EYS: variants seen among roughly 807,000 people sequenced by gnomAD.
EYS encodes the protein EGF-like photoreceptor maintenance factor.
In EYS, 250 loss-of-function variants were observed where a neutral mutation model predicts 282.1. The ratio of observed to expected loss-of-function variants is 0.89; its 90% CI spans 0.80 to 0.98. The LOEUF (loss-of-function observed/expected upper bound fraction) is 0.98. Among genes scored for constraint, EYS ranks in the 50% least tolerant of loss-of-function variants. The pLI is 0.00. For synonymous variants in EYS, 1,355 were observed against 1,282.9 expected, an observed-to-expected ratio of 1.06 and a Z score of -1.20; for missense variants, 4,016 against 3,709.0, an observed-to-expected ratio of 1.08 and a Z score of -2.15.
intron 36 of EYS, among the ~76,000 whole-genome samples, chr6:63,847,397 T>G (rs1035495944): frequency 1.3e-5 from 2 of 152,128 alleles, no homozygotes; most frequent in Non-Finnish European, 2.9e-5. Context: ...TCCTCTTCCT[T>G]CCTCTCCCTT....
At chr6:64,802,989 A>G (rs1411620264) in intron 22 of EYS, among the ~76,000 whole-genome samples, 1 of 152,200 alleles carries the variant, frequency 6.6e-6, no homozygotes, top group African/African-American at 2.4e-5. Context: ...TGCTGGCTCC[A>G]TGCAAGGTTA....
intron 30 of EYS, among the ~76,000 whole-genome samples, chr6:64,281,425 C>A (rs1375790169): frequency 2.6e-5 from 4 of 152,028 alleles, no homozygotes; most frequent in Admixed American, 6.6e-5. Flanking sequence ...TGAATTGCAT[C>A]ATTTAAACTA....
chr6:64,325,063 A>T (rs553461465), intron 29 of EYS, among the ~76,000 whole-genome samples: 5 of 152,336 alleles, frequency 3.3e-5, no homozygotes, highest in Non-Finnish European at 5.9e-5. Context: ...TGTTATTCCT[A>T]TCGAACTACC....
intron 32 of EYS, among the ~76,000 whole-genome samples, chr6:64,077,377 T>C (rs1771809980): frequency 1.3e-5 from 2 of 151,984 alleles, no homozygotes; most frequent in Admixed American, 1.3e-4. Flanking sequence ...TGGAAATCAT[T>C]TTATAGGGAA....
chr6:64,313,183 C>A (rs1220842382), intron 29 of EYS, among the ~76,000 whole-genome samples: 1 of 152,160 alleles, frequency 6.6e-6, no homozygotes, highest in African/African-American at 2.4e-5. Context: ...TAGAGAAGAA[C>A]ATAAATGACC....
At chr6:63,728,460 A>C (rs769637111) in intron 41 of EYS, among the ~76,000 whole-genome samples, 2 of 152,174 alleles carry the variant, frequency 1.3e-5, no homozygotes, top group Non-Finnish European at 2.9e-5. Context: ...TGCAAAACTG[A>C]GTGGAAAGTA....
Position 64,088,163 on chromosome 6 carries a change from A to G in EYS, c.6425-6161T>C, listed in dbSNP as rs574005142. ...GTTGAAAAACAGAACTGCCCTGAATATGGAAAACAAGACTAATTGGGGTTA... is the reference window on the plus strand; with the variant it reads ...GTTGAAAAACAGAACTGCCCTGAATGTGGAAAACAAGACTAATTGGGGTTA... On this transcript the variant is annotated intron_variant, in intron 31 of 42. Coordinates refer to ENST00000503581, the MANE Select transcript of EYS (RefSeq NM_001142800.2). Among the ~76,000 whole-genome samples, 3 of 152,226 alleles carry G rather than the reference A, an allele frequency of 2.0e-5. No individual in the cohort carries two copies. In the South Asian group the frequency reaches 6.2e-4, roughly 31 times the overall value.
chr6:65,360,739 G>A (rs976087942), intron 8 of EYS, among the ~76,000 whole-genome samples: 3 of 152,172 alleles, frequency 2.0e-5, no homozygotes, highest in Middle Eastern at 3.4e-3. Flanking sequence ...CGGCATCCTT[G>A]CTCTCACTGA....
chr6:64,509,598 C>T (rs910518527), intron 26 of EYS, among the ~76,000 whole-genome samples: 2 of 152,018 alleles, frequency 1.3e-5, no homozygotes, highest in Non-Finnish European at 2.9e-5. Context: ...TTCAATTCTA[C>T]GGGGTACACA....
intron 26 of EYS, among the ~76,000 whole-genome samples, chr6:64,582,606 T>A (rs1766110387): frequency 6.7e-6 from 1 of 148,896 alleles, no homozygotes; most frequent in African/African-American, 2.5e-5. Context: ...TTTTGCTTGC[T>A]ATTTTTCCAA....
At chr6:63,906,193 A>G (rs773682880) in intron 35 of EYS, among the ~76,000 whole-genome samples, 1 of 152,244 alleles carries the variant, frequency 6.6e-6, no homozygotes, top group Non-Finnish European at 1.5e-5. Flanking sequence ...GTTATGAAGC[A>G]TAATTACTTT....
At chr6:64,514,557 A>T (rs1354034644) in intron 26 of EYS, among the ~76,000 whole-genome samples, 3 of 151,876 alleles carry the variant, frequency 2.0e-5, no homozygotes, top group Admixed American at 1.3e-4. Context: ...TATTAATAGC[A>T]ACTACAATGT....
chr6:65,458,497 T>C (rs989395481), intron 5 of EYS, among the ~76,000 whole-genome samples: 2 of 152,094 alleles, frequency 1.3e-5, no homozygotes, highest in African/African-American at 4.8e-5. Context: ...AAAAACAGCA[T>C]AATTTATGCT....
chr6:63,984,258 T>C (rs1562132222), intron 35 of EYS, 125 bp downstream of exon 35: 7 of 676,382 alleles, frequency 1.0e-5, no homozygotes, highest in South Asian at 1.7e-5. Flanking sequence ...AGGTGATGCA[T>C]AGAAAAACTT....
At chr6:65,081,592 C>A (rs934651416) in intron 12 of EYS, among the ~76,000 whole-genome samples, 2 of 151,900 alleles carry the variant, frequency 1.3e-5, no homozygotes, top group Admixed American at 6.6e-5. Flanking sequence ...AATATAAATT[C>A]ATTGATATGA....
intron 31 of EYS, among the ~76,000 whole-genome samples, chr6:64,131,564 G>A (rs2150282019): frequency 6.6e-6 from 1 of 152,110 alleles, no homozygotes; most frequent in Non-Finnish European, 1.5e-5. Flanking sequence ...TACAGTATGT[G>A]TGTGTGTGTT....
chr6:64,400,024 A>G (rs1429451282), intron 28 of EYS, among the ~76,000 whole-genome samples: 1 of 151,962 alleles, frequency 6.6e-6, no homozygotes, highest in Non-Finnish European at 1.5e-5. Flanking sequence ...AAGCTAGAGA[A>G]TTGCTATGAT....
chr6:64,656,768 C>T (rs576012146), intron 22 of EYS, among the ~76,000 whole-genome samples: 17 of 152,248 alleles, frequency 1.1e-4, no homozygotes, highest in African/African-American at 3.9e-4. Flanking sequence ...GGGGTTAATT[C>T]ACCAGAATTT....
Position 64,926,987 on chromosome 6 carries a change from A to C in EYS, c.2382-14244T>G, listed in dbSNP as rs1342498663. ...TTATATTTTCTCATTCTGAAGTCAA[A>C]GAAGAATTTTATAGCTGAATCTTTT... On this transcript the variant is annotated intron_variant, in intron 15 of 42. Transcript: ENST00000503581. Among the ~76,000 whole-genome samples the C allele has an allele frequency of 3.3e-5, 5 of 152,216 alleles. No homozygotes were observed. In the East Asian group the frequency reaches 9.6e-4, roughly 29 times the overall value.
Sources: allele counts gnomAD v4.1 joint callset (sites outside exome capture counted in the v4.1 genomes callset), GRCh38; gene constraint gnomAD v4.1.1; transcripts MANE v1.5; gene names NCBI Gene and HGNC (gene_info 2026-07-23, HGNC 2026-07-21).